MBD5: variants seen among roughly 807,000 people sequenced by gnomAD.
MBD5 encodes the protein methyl-CpG binding domain protein 5.
MBD5 carries 13 observed loss-of-function variants against 117.3 expected under a neutral mutation model. The ratio of observed to expected loss-of-function variants is 0.11; its 90% CI spans 0.07 to 0.18. The LOEUF is 0.18. MBD5 is among the 10% of genes least tolerant of loss of function. The pLI, the probability that MBD5 is intolerant of heterozygous loss-of-function variation, is 1.00. For synonymous variants in MBD5, 727 were observed against 766.4 expected (o/e 0.95, Z 0.85); for missense variants, 1,879 against 2,093.8 (o/e 0.90, Z 2.00).
intron 3 of MBD5, among the ~76,000 whole-genome samples, chr2:148,300,604 T>A (rs1194952559): frequency 5.3e-5 from 8 of 152,194 alleles, no homozygotes; most frequent in African/African-American, 1.9e-4. Context: ...CTTGGATAAT[T>A]AGTATTAGAA....
At chr2:148,302,755 C>T (rs911514026) in intron 3 of MBD5, among the ~76,000 whole-genome samples, 1 of 151,734 alleles carries the variant, frequency 6.6e-6, no homozygotes, top group Non-Finnish European at 1.5e-5. Flanking sequence ...CTCAGCCTTC[C>T]GAGTAGCTGG....
chr2:148,051,613 G>GTGTA (rs1259716443), intron 1 of MBD5, among the ~76,000 whole-genome samples: 9 of 52,174 alleles, frequency 1.7e-4, no homozygotes, highest in African/African-American at 4.8e-4. Flanking sequence ...GAGTGTGTGT[G>GTGTA]TGTGTGTGTG....
At chr2:148,506,607 A>G (rs930466866) in intron 12 of MBD5, among the ~76,000 whole-genome samples, 2 of 152,128 alleles carry the variant, frequency 1.3e-5, no homozygotes, top group Non-Finnish European at 2.9e-5. Context: ...TTTCCCTTCT[A>G]TTTCTTGTAC....
intron 4 of MBD5, among the ~76,000 whole-genome samples, chr2:148,427,479 G>T (rs1705836835): frequency 6.6e-6 from 1 of 152,112 alleles, no homozygotes; most frequent in Non-Finnish European, 1.5e-5. Flanking sequence ...ATGAGTTCAT[G>T]TCCTTTGTAG....
At position 148,021,553 on chromosome 2, in the gene MBD5, C is replaced by T; in HGVS notation, c.-1056C>T. ...CCCTGGCTGGAGACATCTCACTACACCCAGGAGCAGCCACTTCCCCAGCTC... is the reference window on the plus strand; with the variant it reads ...CCCTGGCTGGAGACATCTCACTACATCCAGGAGCAGCCACTTCCCCAGCTC... On this transcript the variant is annotated 5_prime_UTR_variant, in exon 1 of 14. Coordinates refer to ENST00000642680, the MANE Select transcript of MBD5 (RefSeq NM_001378120.1). 3.6e-6 allele frequency: 2 copies of T among 552,500 alleles called. No homozygotes were observed. The highest frequency in any genetic ancestry group is 3.1e-5 in the South Asian group (2 of 65,528). The allele number at this position is 552,500 out of a possible 1,614,324, so 34.2% of individuals were successfully genotyped here.
At position 148,468,669 on chromosome 2, in the gene MBD5, C is replaced by T; in HGVS notation, c.726C>T (p.Asp242=). The T allele has an allele frequency of 6.2e-7, 1 of 1,613,852 alleles. No individual in the cohort carries two copies. Among genetic ancestry groups the T allele is most frequent in the Non-Finnish European group, 8.5e-7 (1 of 1,179,842 alleles). The part of the protein sequence containing the change: ...YGDGSISPRT[D]PLGSPDVFTR... ...ATGGTTCAATCTCTCCAAGGACTGA[C>T]CCACTTGGAAGTCCTGATGTTTTCA... The change falls in exon 8 of 14, where the codon GAC becomes GAT. Residue 242 remains aspartate, a synonymous_variant. Coordinates refer to ENST00000642680, the MANE Select transcript of MBD5 (RefSeq NM_001378120.1).
chr2:148,251,558 G>A (rs781379900), intron 3 of MBD5, among the ~76,000 whole-genome samples: 16 of 152,112 alleles, frequency 1.1e-4, no homozygotes, highest in Non-Finnish European at 1.9e-4. Context: ...AAGTAGAATG[G>A]CTAACATAAA....
intron 8 of MBD5, among the ~76,000 whole-genome samples, chr2:148,475,190 C>A (rs1403477656): frequency 6.6e-6 from 1 of 152,030 alleles, no homozygotes; most frequent in Non-Finnish European, 1.5e-5. Context: ...CGATTTTATC[C>A]CCCAATCAGA....
chr2:148,071,739 A>T (rs1307736258), intron 1 of MBD5: 11 of 152,326 alleles, frequency 7.2e-5, no homozygotes. Context: ...TTCTGTGTCT[A>T]AACTTTTGAA....
chr2:148,364,460 CA>C (rs1703634580), intron 4 of MBD5, among the ~76,000 whole-genome samples: 2 of 152,314 alleles, frequency 1.3e-5, no homozygotes, highest in South Asian at 4.1e-4. Flanking sequence ...AACTAACTAG[CA>C]TCATAATGAC....
At chr2:148,060,268 C>A (rs1407108082) in intron 1 of MBD5, among the ~76,000 whole-genome samples, 5 of 151,002 alleles carry the variant, frequency 3.3e-5, no homozygotes, top group African/African-American at 1.2e-4. Flanking sequence ...TTGAACACAC[C>A]CATTGCACTC....
intron 1 of MBD5, chr2:148,027,629 T>A (rs1693935224): frequency 6.6e-6 from 1 of 152,056 alleles, no homozygotes; most frequent in African/African-American, 2.4e-5. Flanking sequence ...AGGTTAGGGA[T>A]GTTCAATAGA....
intron 2 of MBD5, among the ~76,000 whole-genome samples, chr2:148,229,156 C>G (rs1239417283): frequency 6.6e-6 from 1 of 151,138 alleles, no homozygotes; most frequent in Admixed American, 6.6e-5. Flanking sequence ...TTGCAGCCTG[C>G]TTTGCTTCAT....
intron 3 of MBD5, among the ~76,000 whole-genome samples, chr2:148,333,628 G>A (rs1702715895): frequency 6.6e-6 from 1 of 151,640 alleles, no homozygotes; most frequent in Non-Finnish European, 1.5e-5. Context: ...GATCACTTGA[G>A]GTCAAGAGTT....
chr2:148,133,251 C>A (rs1338542565), intron 1 of MBD5, among the ~76,000 whole-genome samples: 1 of 152,092 alleles, frequency 6.6e-6, no homozygotes, highest in African/African-American at 2.4e-5. Flanking sequence ...TTAGAGAAAT[C>A]TTTAATTTCC....
chr2:148,323,032 T>G lies in MBD5; in HGVS notation c.-679-19182T>G, dbSNP rs1702329994. On this transcript the variant is annotated intron_variant, in intron 3 of 13. Coordinates refer to ENST00000642680, the MANE Select transcript of MBD5 (RefSeq NM_001378120.1). ...CACAACAGTCCCCAGACTGTGATGT[T>G]CCCCTTCCTGTGTCCATGTGTTCTC... Among the ~76,000 whole-genome samples the G allele has an allele frequency of 2.0e-5, 3 of 148,344 alleles. No individual in the cohort carries two copies. In the South Asian group the frequency reaches 6.6e-4, roughly 32 times the overall value.
intron 3 of MBD5, among the ~76,000 whole-genome samples, chr2:148,281,591 C>A (rs1701247241): frequency 1.3e-5 from 2 of 151,918 alleles, no homozygotes; most frequent in Non-Finnish European, 2.9e-5. Flanking sequence ...AATTCATGAT[C>A]TTTCAATTGT....
intron 2 of MBD5, among the ~76,000 whole-genome samples, chr2:148,231,172 G>T (rs1468673505): frequency 8.3e-6 from 1 of 119,836 alleles, no homozygotes; most frequent in African/African-American, 2.6e-5. Context: ...AGTTTATTTT[G>T]GGCCACAGAA....
chr2:148,188,213 C>A (rs533698422), intron 2 of MBD5, among the ~76,000 whole-genome samples: 1 of 152,110 alleles, frequency 6.6e-6, no homozygotes, highest in South Asian at 2.1e-4. Context: ...TGAATGAATT[C>A]TAGTCCCAGA....
Sources: gnomAD v4.1 joint callset for allele counts (sites outside exome capture counted in the v4.1 genomes callset) on GRCh38, gnomAD v4.1.1 for gene constraint, MANE v1.5 for transcripts, NCBI Gene and HGNC (gene_info 2026-07-23, HGNC 2026-07-21) for gene names.